LRRC43: variants seen among roughly 807,000 people sequenced by gnomAD.
LRRC43 encodes the protein leucine-rich repeat-containing protein 43.
A neutral mutation model predicts 64.3 loss-of-function variants in LRRC43; 62 were observed. That is an observed-to-expected ratio of 0.96 (90% CI 0.79 to 1.19). The LOEUF is 1.19. Among genes scored for constraint, LRRC43 ranks in the 50% most tolerant of loss-of-function variants. The pLI is 0.00. For synonymous variants in LRRC43, 422 were observed against 382.3 expected (o/e 1.10, Z -1.21); for missense variants, 868 against 845.0 (o/e 1.03, Z -0.34).
At chr12:122,182,821 G>A (rs1338294487), upstream of LRRC43, among the ~76,000 whole-genome samples, 1 of 152,212 alleles carries the variant, frequency 6.6e-6, no homozygotes, top group Non-Finnish European at 1.5e-5. Flanking sequence ...TGGCTGGTTG[G>A]AGTCGAGATG....
chr12:122,180,423 G>C (rs1953572390), upstream of LRRC43, among the ~76,000 whole-genome samples: 1 of 152,140 alleles, frequency 6.6e-6, no homozygotes, highest in Non-Finnish European at 1.5e-5. Flanking sequence ...GAAGGCTGAG[G>C]CAGGAGAATT....
At chr12:122,196,618 A>C (rs994183103) in intron 7 of LRRC43, among the ~76,000 whole-genome samples, 2 of 152,120 alleles carry the variant, frequency 1.3e-5, no homozygotes, top group Admixed American at 6.5e-5. Flanking sequence ...AAATATAAAA[A>C]ATTATCTGGG....
chr12:122,197,525 C>G (rs563785057), intron 7 of LRRC43, among the ~76,000 whole-genome samples: 3 of 152,158 alleles, frequency 2.0e-5, no homozygotes, highest in East Asian at 1.9e-4. Flanking sequence ...TTCTAGGTGC[C>G]TGAGTCGTGA....
intron 11 of LRRC43, chr12:122,202,373 T>G (rs1049774710): frequency 4.6e-5 from 7 of 152,208 alleles, no homozygotes; most frequent in Non-Finnish European, 1.0e-4. Context: ...TAATAGACCT[T>G]AAAATAATAT....
intron 11 of LRRC43, among the ~76,000 whole-genome samples, chr12:122,202,817 C>A (rs1953857274): frequency 6.6e-6 from 1 of 152,172 alleles, no homozygotes; most frequent in Non-Finnish European, 1.5e-5. Flanking sequence ...TGCAGCTGGG[C>A]TCGGTAGTGT....
Position 122,183,126 on chromosome 12 carries a change from G to T in LRRC43, c.-19G>T. 6.5e-7 allele frequency: 1 copy of T among 1,532,102 alleles called. No homozygotes were observed. Among genetic ancestry groups the T allele is most frequent in the Non-Finnish European group, 8.7e-7 (1 of 1,145,098 alleles). 94.9% of individuals were successfully genotyped at this position (1,532,102 alleles called of 1,614,324 possible). ...CCGCGCACGCGTCCTAGCGGTTGCCGGGCAACGCGGCCCGGGCCATGGAGG... is the reference window on the plus strand; with the variant it reads ...CCGCGCACGCGTCCTAGCGGTTGCCTGGCAACGCGGCCCGGGCCATGGAGG... On this transcript the variant is annotated 5_prime_UTR_variant, in exon 1 of 12. Coordinates refer to ENST00000339777, the MANE Select transcript of LRRC43 (RefSeq NM_001098519.2).
Position 122,203,428 on chromosome 12 carries a change from A to T in LRRC43, c.1957A>T (p.Met653Leu). The part of the protein sequence containing the change: ...QCRSAEEALR[M>L]FAV ...CCGCTCGGCGGAGGAGGCTCTGCGC[A>T]TGTTCGCCGTGTAGGGCGTGGGCAG... The change falls in exon 12 of 12, where the codon ATG (methionine) becomes TTG (leucine). Residue 653 changes from methionine (M) to leucine (L), a missense_variant. Transcript: ENST00000339777. The T allele has an allele frequency of 6.2e-7, 1 of 1,610,954 alleles. No individual in the cohort carries two copies.
intron 10 of LRRC43, 143 bp from the exon 11 acceptor site, chr12:122,201,153 G>A: frequency 1.9e-6 from 2 of 1,029,616 alleles, no homozygotes; most frequent in Admixed American, 4.2e-5. Flanking sequence ...CTTTGGGGAT[G>A]GGCTGGGGCA....
chr12:122,191,637 GA>G, intron 6 of LRRC43, 70 bp downstream of exon 6: 1 of 1,225,892 alleles, frequency 8.2e-7, no homozygotes, highest in Non-Finnish European at 1.1e-6. Context: ...TGGGCCCCAG[GA>G]AAATCCTTTT....
intron 7 of LRRC43, among the ~76,000 whole-genome samples, chr12:122,196,438 A>G (rs910294685): frequency 2.6e-5 from 4 of 152,330 alleles, no homozygotes; most frequent in Middle Eastern, 6.8e-3. Flanking sequence ...GATGCCAGGT[A>G]TCGGGATTAC....
chr12:122,203,297 G>A lies in LRRC43; in HGVS notation c.1844-18G>A, dbSNP rs766557042. Reference sequence around the variant, plus strand: ...CATCCGTCTCCCGGGGCTCATGCTCGCACTTAAATTTTCTCAGAAAAGCCG... The same window carrying A: ...CATCCGTCTCCCGGGGCTCATGCTCACACTTAAATTTTCTCAGAAAAGCCG... On this transcript the variant is annotated intron_variant, in intron 11 of 11. Transcript: ENST00000339777. 3.7e-6 allele frequency: 6 copies of A among 1,607,938 alleles called. No homozygotes were observed. Among genetic ancestry groups the A allele is most frequent in the Non-Finnish European group, 1.7e-6 (2 of 1,179,004 alleles).
In LRRC43 at chr12:122,184,428, T is replaced by A; in HGVS notation, c.151-91T>A. 6.8e-7 allele frequency: 1 copy of A among 1,466,484 alleles called. No homozygotes were observed. Among genetic ancestry groups the A allele is most frequent in the Non-Finnish European group, 9.2e-7 (1 of 1,088,264 alleles). 90.8% of individuals were successfully genotyped at this position (1,466,484 alleles called of 1,614,324 possible). On this transcript the variant is annotated intron_variant, in intron 1 of 11. Transcript: ENST00000339777. The surrounding 1 kb of genome is among the most constrained non-coding windows in gnomAD (Gnocchi z 4.0). ...GATTTCTAAACTCTATCCCTAATCG[T>A]CCAGTTTTATGATCTGTTCTGTTTT...
chr12:122,180,528 G>GA (rs1953573085), upstream of LRRC43, among the ~76,000 whole-genome samples: 1 of 151,628 alleles, frequency 6.6e-6, no homozygotes, highest in African/African-American at 2.4e-5. Flanking sequence ...CAAAAGAAAA[G>GA]AAAAAAAGAA....
intron 3 of LRRC43, among the ~76,000 whole-genome samples, chr12:122,186,805 G>A (rs1352783801): frequency 6.6e-6 from 1 of 152,160 alleles, no homozygotes; most frequent in Non-Finnish European, 1.5e-5. Flanking sequence ...TGTAGTCCCA[G>A]CTGCTTGGGA....
At position 122,172,667 on chromosome 12, in the gene LRRC43, T is replaced by A. The variant is rs771075577; in HGVS notation, c.-406+4885T>A. The A allele has an allele frequency of 2.5e-6, 4 of 1,614,068 alleles. No individual in the cohort carries two copies. The South Asian group carries it at 4.4e-5, about 18-fold the overall frequency. On this transcript the variant is annotated intron_variant, in intron 1 of 5. Coordinates refer to the LRRC43 transcript ENST00000537729. ...GGATGGCTGGGCTGTGGATGTTGTT[T>A]GGCGGCTGGGCGTCAGGGCTGAGAC...
At chr12:122,186,372 CA>C in intron 3 of LRRC43, 72 bp downstream of exon 3, 7 of 954,712 alleles carry the variant, frequency 7.3e-6, no homozygotes, top group Non-Finnish European at 9.9e-6. Flanking sequence ...CCCTGCCCCA[CA>C]TAGTGTGGCC....
At chr12:122,188,149 C>G (rs1030106062) in intron 4 of LRRC43, among the ~76,000 whole-genome samples, 22 of 152,108 alleles carry the variant, frequency 1.4e-4, no homozygotes, top group Non-Finnish European at 1.5e-5. Flanking sequence ...CTTTGTCGCC[C>G]AGGCTGGAGC....
chr12:122,179,617 T>C (rs1461937043), upstream of LRRC43, among the ~76,000 whole-genome samples: 5 of 151,500 alleles, frequency 3.3e-5, no homozygotes, highest in Non-Finnish European at 7.4e-5. Flanking sequence ...TGGGACATGC[T>C]TCCATTAACA....
At chr12:122,176,194 T>G (rs1400431108) in intron 1 of LRRC43, among the ~76,000 whole-genome samples, 1 of 152,102 alleles carries the variant, frequency 6.6e-6, no homozygotes, top group Non-Finnish European at 1.5e-5. Flanking sequence ...AGAGGTGACA[T>G]TGAAGAAGAG....
Sources: allele counts gnomAD v4.1 joint callset (sites outside exome capture counted in the v4.1 genomes callset), GRCh38; gene constraint gnomAD v4.1.1; non-coding constraint Gnocchi (gnomAD v3.1); transcripts MANE v1.5; gene names NCBI Gene and HGNC (gene_info 2026-07-23, HGNC 2026-07-21).